Variants in XPO7 observed in about 807,000 individuals in gnomAD.
XPO7 encodes exportin-7.
A neutral mutation model predicts 144.3 loss-of-function variants in XPO7; 21 were observed. The observed-to-expected ratio is 0.15, with a 90% CI of 0.10 to 0.21. The LOEUF is 0.21. Ranked by LOEUF, XPO7 falls within the 10% of genes least tolerant of loss-of-function variation. The pLI is 1.00. For synonymous variants in XPO7, 580 were observed against 499.6 expected (o/e 1.16, Z -2.15); for missense variants, 808 against 1,325.8 (o/e 0.61, Z 6.06).
At position 22,005,499 on chromosome 8, in the gene XPO7, CAG is replaced by C. The variant is rs946203153; in HGVS notation, c.*414_*415del. 3.9e-5 allele frequency: 6 copies of C among 154,356 alleles called. No individual in the cohort carries two copies. Among genetic ancestry groups the C allele is most frequent in the African/African-American group, 1.4e-4 (6 of 41,488 alleles). 9.6% of individuals were successfully genotyped at this position (154,356 alleles called of 1,614,324 possible). A position where few individuals can be genotyped will look rare whatever the true frequency, so the allele number is the denominator to read the frequency against. ...AAAAAGTGTGACTGAAAAATTTTTA[CAG>C]AGTCTAGTGCACCAATGCTGATGTG... On this transcript the variant is annotated 3_prime_UTR_variant, in exon 28 of 28. Coordinates refer to ENST00000252512, the MANE Select transcript of XPO7 (RefSeq NM_015024.5).
In XPO7 at chr8:21,980,195, A is replaced by C; in HGVS notation, c.949A>C (p.Asn317His). ...LVDGVKRILE[N>H]PQSLSDPNNY... ...TGATGGTGTTAAACGAATACTGGAAAACCCACAGGTAAGTTTATCTGAGAA... is the reference window on the plus strand; with the variant it reads ...TGATGGTGTTAAACGAATACTGGAACACCCACAGGTAAGTTTATCTGAGAA... Residue 317 changes from asparagine (N) to histidine (H), a missense_variant, in exon 9 of 28, where the codon AAC becomes CAC. This residue lies in a region of XPO7 where 223 missense variants were observed against 368.8 expected (regional missense o/e 0.60). Coordinates refer to ENST00000252512, the MANE Select transcript of XPO7 (RefSeq NM_015024.5). The C allele has an allele frequency of 3.8e-6, 6 of 1,591,356 alleles. No individual in the cohort carries two copies. The highest frequency in any genetic ancestry group is 5.1e-6 in the Non-Finnish European group (6 of 1,167,610).
intron 1 of XPO7, among the ~76,000 whole-genome samples, chr8:21,954,569 G>A (rs1811476064): frequency 6.6e-6 from 1 of 152,154 alleles, no homozygotes; most frequent in African/African-American, 2.4e-5. Flanking sequence ...GGGAGGTGGA[G>A]GTTGCAGTGA....
chr8:21,987,701 A>G (rs2117373680), intron 14 of XPO7, 83 bp from the exon 15 acceptor site: 3 of 1,446,532 alleles, frequency 2.1e-6, no homozygotes, highest in Non-Finnish European at 1.9e-6. Flanking sequence ...TCCACATCTT[A>G]CCCATGAGTG....
rs1170364778 is a variant in XPO7 at position 21,989,821 on chromosome 8, C to CTTTTTTTTTTTTTTTTTTTTTTTTTTTT, written c.1869-504_1869-477dup. On this transcript the variant is annotated intron_variant, in intron 16 of 27. Transcript: ENST00000252512. ...AATAGGAGTTTGGTATAGGTGTTTC[C>CTTTTTTTTTTTTTTTTTTTTTTTTTTTT]TTTTTTTTTTTTTTTTTTTTTTTTT... Among the ~76,000 whole-genome samples, 47 of 59,714 alleles carry CTTTTTTTTTTTTTTTTTTTTTTTTTTTT rather than the reference C, an allele frequency of 7.9e-4. 14 individuals carry two copies. Among genetic ancestry groups the CTTTTTTTTTTTTTTTTTTTTTTTTTTTT allele is most frequent in the Non-Finnish European group, 1.4e-3 (38 of 27,890 alleles). The allele number at this position is 59,714 out of a possible 152,430, so 39.2% of individuals were successfully genotyped here.
chr8:21,951,874 T>C (rs945286560), intron 1 of XPO7, among the ~76,000 whole-genome samples: 1 of 152,204 alleles, frequency 6.6e-6, no homozygotes. Context: ...TCGATCCTAA[T>C]GCTGTCTCTA....
intron 1 of XPO7, chr8:21,966,414 G>T: frequency 1.4e-6 from 1 of 697,798 alleles, no homozygotes; most frequent in Non-Finnish European, 2.6e-6. Flanking sequence ...CTACTCAAAG[G>T]AATATTTAAA....
rs1369567550 is a variant in XPO7, at chr8:21,976,326, TG to T, written c.598-26del. ...CAAGCTGGGAAGAGAGGAGTGATTT[TG>T]GGGACTCATTATGTGGTAATTTTTA... On this transcript the variant is annotated intron_variant, in intron 6 of 27. Transcript: ENST00000252512. 3 of 1,604,234 alleles carry T rather than the reference TG, an allele frequency of 1.9e-6. No homozygotes were observed. The Admixed American group carries it at 5.1e-5, about 27-fold the overall frequency.
intron 1 of XPO7, among the ~76,000 whole-genome samples, chr8:21,957,625 A>G (rs1811579764): frequency 1.3e-5 from 2 of 152,168 alleles, no homozygotes; most frequent in South Asian, 4.1e-4. Context: ...TGGGGAGGGA[A>G]CAAAATTAGA....
At chr8:21,978,323 C>G (rs949691637) in intron 8 of XPO7, among the ~76,000 whole-genome samples, 5 of 152,184 alleles carry the variant, frequency 3.3e-5, no homozygotes, top group Admixed American at 3.3e-4. Context: ...CATAATTAAC[C>G]TAAAACCTCA....
intron 1 of XPO7, among the ~76,000 whole-genome samples, chr8:21,947,850 A>G (rs1200621484): frequency 6.6e-6 from 1 of 152,224 alleles, no homozygotes; most frequent in Non-Finnish European, 1.5e-5. Flanking sequence ...ACTAAATAAC[A>G]AAAGATTGAG....
chr8:21,947,530 A>G (rs966308518), intron 1 of XPO7, among the ~76,000 whole-genome samples: 2 of 152,096 alleles, frequency 1.3e-5, no homozygotes, highest in African/African-American at 4.8e-5. Context: ...CATCACCACT[A>G]CCCCTGCAAC....
chr8:21,924,471 T>C (rs1419144265), intron 1 of XPO7, among the ~76,000 whole-genome samples: 1 of 140,948 alleles, frequency 7.1e-6, no homozygotes, highest in Non-Finnish European at 1.6e-5. Flanking sequence ...CACTAACTAC[T>C]ATCCTGTCAT....
Position 21,985,740 on chromosome 8 carries a change from C to T in XPO7, c.1577+49C>T, listed in dbSNP as rs117854420. The T allele has an allele frequency of 4.8e-3, 7,299 of 1,521,406 alleles. 25 individuals are homozygous for T. Among genetic ancestry groups the T allele is most frequent in the Non-Finnish European group, 6.1e-3 (6,700 of 1,097,586 alleles). 94.2% of individuals were successfully genotyped at this position (1,521,406 alleles called of 1,614,324 possible). A position where few individuals can be genotyped will look rare whatever the true frequency, so the allele number is the denominator to read the frequency against. ...TCCACTCTGCCTTGCTGGCACTTCTCCACTCCCCGATAGGGTCCTCTCCAC... is the reference window on the plus strand; with the variant it reads ...TCCACTCTGCCTTGCTGGCACTTCTTCACTCCCCGATAGGGTCCTCTCCAC... On this transcript the variant is annotated intron_variant, in intron 13 of 27. Coordinates refer to ENST00000252512, the MANE Select transcript of XPO7 (RefSeq NM_015024.5).
chr8:21,956,197 T>C (rs1811530349), intron 1 of XPO7, among the ~76,000 whole-genome samples: 1 of 152,230 alleles, frequency 6.6e-6, no homozygotes, highest in Non-Finnish European at 1.5e-5. Context: ...TAGCCTTCTA[T>C]GCTGGAGCTC....
chr8:21,967,131 A>G (rs537701168), intron 2 of XPO7, 128 bp downstream of exon 2: 2 of 1,301,250 alleles, frequency 1.5e-6, no homozygotes, highest in South Asian at 3.4e-5. Flanking sequence ...ACTTATTTTC[A>G]CTTTTAAGAA....
chr8:21,934,222 G>A (rs865974395), intron 1 of XPO7, among the ~76,000 whole-genome samples: 1 of 152,042 alleles, frequency 6.6e-6, no homozygotes, highest in East Asian at 1.9e-4. Flanking sequence ...TTTTGGCCAG[G>A]TGCGGTGGCT....
intron 10 of XPO7, among the ~76,000 whole-genome samples, chr8:21,982,207 G>A (rs1025265094): frequency 3.9e-5 from 6 of 152,188 alleles, no homozygotes; most frequent in African/African-American, 1.4e-4. Context: ...TCTTAGTCAT[G>A]TAATATAGAA....
chr8:21,937,885 A>T (rs1022548640), intron 1 of XPO7, among the ~76,000 whole-genome samples: 2 of 152,232 alleles, frequency 1.3e-5, no homozygotes, highest in African/African-American at 4.8e-5. Flanking sequence ...TTTATAAAGT[A>T]GATACAAATT....
intron 1 of XPO7, among the ~76,000 whole-genome samples, chr8:21,936,660 T>G (rs1585421322): frequency 6.6e-6 from 1 of 152,194 alleles, no homozygotes; most frequent in Non-Finnish European, 1.5e-5. Context: ...TTAGACATTT[T>G]TGGTGTATAT....
Sources: gnomAD v4.1 joint callset for allele counts (sites outside exome capture counted in the v4.1 genomes callset) on GRCh38, gnomAD v4.1.1 for gene constraint, gnomAD v4.1.1 regional missense constraint, MANE v1.5 for transcripts, NCBI Gene and HGNC (gene_info 2026-07-23, HGNC 2026-07-21) for gene names.